The following NRXN1 variants were observed in gnomAD, a reference collection of about 807,000 sequenced individuals.
NRXN1 encodes neurexin-1.
NRXN1 carries 39 observed loss-of-function variants against 150.9 expected under a neutral mutation model. The ratio of observed to expected loss-of-function variants is 0.26; its 90% confidence interval spans 0.20 to 0.34. NRXN1 has a LOEUF of 0.34. Ranked by LOEUF, NRXN1 falls within the 10% of genes least tolerant of loss-of-function variation. The pLI, the probability that NRXN1 is intolerant of heterozygous loss-of-function variation, is 1.00. For missense variants in NRXN1, 1,815 were observed against 1,949.9 expected, an observed-to-expected ratio of 0.93 and a Z score of 1.30; for synonymous variants, 924 against 757.0, an observed-to-expected ratio of 1.22 and a Z score of -3.62.
intron 17 of NRXN1, among the ~76,000 whole-genome samples, chr2:50,411,671 C>T (rs1328940001): frequency 3.4e-5 from 5 of 146,854 alleles, no homozygotes; most frequent in Admixed American, 6.8e-5. Context: ...CCCCTCCGCC[C>T]GGCAGCCGCC....
At chr2:50,563,057 TA>T (rs990009555) in intron 8 of NRXN1, among the ~76,000 whole-genome samples, 6 of 151,958 alleles carry the variant, frequency 3.9e-5, no homozygotes, top group East Asian at 1.9e-4. Context: ...TTCACTTCAA[TA>T]AAAAAAAGCA....
At chr2:50,263,199 C>T (rs1403102174) in intron 17 of NRXN1, among the ~76,000 whole-genome samples, 1 of 149,940 alleles carries the variant, frequency 6.7e-6, no homozygotes, top group Non-Finnish European at 1.5e-5. Context: ...CACACATACA[C>T]AAACAGCAAA....
intron 18 of NRXN1, among the ~76,000 whole-genome samples, chr2:50,119,709 T>C (rs899222806): frequency 6.6e-6 from 1 of 152,180 alleles, no homozygotes. Flanking sequence ...CAAAAGGAAC[T>C]TAAGATACGG....
chr2:50,241,360 C>G (rs1444306141), intron 17 of NRXN1, among the ~76,000 whole-genome samples: 1 of 151,736 alleles, frequency 6.6e-6, no homozygotes, highest in Non-Finnish European at 1.5e-5. Context: ...GGCAGTACAT[C>G]TTAATCACAG....
At chr2:50,491,598 A>G (rs77164982) in intron 15 of NRXN1, among the ~76,000 whole-genome samples, 180 of 152,260 alleles carry the variant, frequency 1.2e-3, no homozygotes, top group African/African-American at 4.3e-3. Context: ...CCAGAGCTCA[A>G]AATCCTTGAA....
intron 18 of NRXN1, among the ~76,000 whole-genome samples, chr2:50,102,403 A>G (rs537072659): frequency 6.6e-6 from 1 of 152,160 alleles, no homozygotes; most frequent in East Asian, 1.9e-4. Flanking sequence ...TCTGGCATAA[A>G]TGACACTAAA....
rs558531925 is a variant in NRXN1, at chr2:50,327,744, C to T, written c.3365-90774G>A. 2.0e-4 allele frequency among the ~76,000 whole-genome samples: 30 copies of T among 151,820 alleles called. No individual in the cohort carries two copies. The East Asian group carries it at 5.5e-3, about 28-fold the overall frequency. ...AGCTCACTGCAACCTCTGCCTCCCACGTTCAAGGGATTCTCCTGCTTCAGC... is the reference window on the plus strand; with the variant it reads ...AGCTCACTGCAACCTCTGCCTCCCATGTTCAAGGGATTCTCCTGCTTCAGC... On this transcript the variant is annotated intron_variant, in intron 17 of 22. Transcript: ENST00000401669.
At chr2:50,755,083 A>G (rs1175806546) in intron 5 of NRXN1, among the ~76,000 whole-genome samples, 1 of 151,686 alleles carries the variant, frequency 6.6e-6, no homozygotes, top group African/African-American at 2.4e-5. Context: ...CTTCACCTAT[A>G]TTCATATTCT....
At chr2:50,235,749 T>C (rs919932329) in intron 18 of NRXN1, among the ~76,000 whole-genome samples, 3 of 151,796 alleles carry the variant, frequency 2.0e-5, no homozygotes, top group Admixed American at 6.6e-5. Flanking sequence ...CAAAACAAAA[T>C]AGAACAAACT....
intron 17 of NRXN1, among the ~76,000 whole-genome samples, chr2:50,238,513 T>C (rs2065683982): frequency 6.6e-6 from 1 of 152,034 alleles, no homozygotes; most frequent in Admixed American, 6.6e-5. Flanking sequence ...AAACTTCTTG[T>C]ATTTATAGAA....
chr2:50,855,251 A>G lies in NRXN1; in HGVS notation c.832+66618T>C, dbSNP rs899187558. ...AGAAAACTCACTTTGCTTTGAAAGT[A>G]TCTTAAAGTATAAAAAAAACTTTAA... On this transcript the variant is annotated intron_variant, in intron 5 of 22. Transcript: ENST00000401669. Among the ~76,000 whole-genome samples, 4 of 152,072 alleles carry G rather than the reference A, an allele frequency of 2.6e-5. No homozygotes were observed. In the East Asian group the frequency reaches 5.8e-4, roughly 22 times the overall value.
rs187866189 is a variant in NRXN1, at chr2:50,118,137, T to C, written c.3547-26643A>G. 9.2e-5 allele frequency among the ~76,000 whole-genome samples: 14 copies of C among 152,304 alleles called. No homozygotes were observed. The East Asian group carries it at 2.3e-3, about 25-fold the overall frequency. On this transcript the variant is annotated intron_variant, in intron 18 of 22. Coordinates refer to ENST00000401669, the MANE Select transcript of NRXN1 (RefSeq NM_001330078.2). ...TCTTAACGTTGTACTTAACAGAATG[T>C]GTCCGTTAGTAAGAATACTAAAAAG...
intron 17 of NRXN1, among the ~76,000 whole-genome samples, chr2:50,362,063 A>T (rs902940846): frequency 7.9e-5 from 12 of 152,198 alleles, no homozygotes; most frequent in Admixed American, 3.9e-4. Flanking sequence ...TTCATGCTAA[A>T]AGCAATCAAT....
intron 21 of NRXN1, among the ~76,000 whole-genome samples, chr2:50,002,366 G>A (rs1684092858): frequency 6.6e-6 from 1 of 152,136 alleles, no homozygotes; most frequent in Non-Finnish European, 1.5e-5. Flanking sequence ...GACCTGGCCA[G>A]TCATTGCTGA....
At chr2:50,181,832 C>G (rs1489203849) in intron 18 of NRXN1, among the ~76,000 whole-genome samples, 1 of 152,160 alleles carries the variant, frequency 6.6e-6, no homozygotes, top group East Asian at 1.9e-4. Context: ...ATAATTCCAT[C>G]AGATTATCAT....
intron 5 of NRXN1, among the ~76,000 whole-genome samples, chr2:50,646,103 G>A (rs1261426445): frequency 6.6e-6 from 1 of 151,828 alleles, no homozygotes; most frequent in Admixed American, 6.6e-5. Context: ...TATATAGAGA[G>A]GCTGAGTCCA....
At chr2:50,407,343 A>G (rs562616938) in intron 17 of NRXN1, among the ~76,000 whole-genome samples, 2 of 152,140 alleles carry the variant, frequency 1.3e-5, no homozygotes, top group South Asian at 2.1e-4. Context: ...TTCAAAATGA[A>G]TAACAGCTTC....
chr2:50,548,893 G>A (rs893038177), intron 9 of NRXN1, among the ~76,000 whole-genome samples: 19 of 152,114 alleles, frequency 1.2e-4, no homozygotes, highest in African/African-American at 3.1e-4. Context: ...GCTCTTAGGC[G>A]TGGGTTCCCT....
At chr2:50,335,462 T>C (rs1247590656) in intron 17 of NRXN1, among the ~76,000 whole-genome samples, 1 of 152,120 alleles carries the variant, frequency 6.6e-6, no homozygotes, top group Non-Finnish European at 1.5e-5. Flanking sequence ...TCAGAGTTGA[T>C]TGGGCAAAAA....
Sources: gnomAD v4.1 joint callset for allele counts (sites outside exome capture counted in the v4.1 genomes callset) on GRCh38, gnomAD v4.1.1 for gene constraint, MANE v1.5 for transcripts, NCBI Gene and HGNC (gene_info 2026-07-23, HGNC 2026-07-21) for gene names.